SORBS2: variants seen among roughly 807,000 people sequenced by gnomAD.
SORBS2 encodes sorbin and SH3 domain-containing protein 2.
Under a neutral mutation model 97.7 loss-of-function variants are expected in SORBS2, and 46 were observed. The observed-to-expected ratio is 0.47, with a 90% CI of 0.37 to 0.60. SORBS2 has a LOEUF of 0.60. Ranked by LOEUF, SORBS2 falls within the 20% of genes least tolerant of loss-of-function variation. The pLI is 0.00. For synonymous variants in SORBS2, 476 were observed against 473.4 expected (o/e 1.01, Z -0.07); for missense variants, 1,316 against 1,282.3 (o/e 1.03, Z -0.40).
intron 1 of SORBS2, among the ~76,000 whole-genome samples, chr4:185,947,925 TA>T (rs11315282): frequency 0.17 from 25,923 of 152,222 alleles, 2,409 homozygotes; most frequent in African/African-American, 0.22. Flanking sequence ...TGAGATTTTT[TA>T]AAGGAAGTTC....
intron 2 of SORBS2, among the ~76,000 whole-genome samples, chr4:185,692,783 T>C (rs1251811023): frequency 7.3e-6 from 1 of 136,828 alleles, no homozygotes; most frequent in African/African-American, 2.8e-5. Context: ...CTCGTTTTGC[T>C]ATATACACAT....
chr4:185,724,282 T>C (rs1189373456), intron 2 of SORBS2, among the ~76,000 whole-genome samples: 1 of 151,168 alleles, frequency 6.6e-6, no homozygotes, highest in Admixed American at 6.6e-5. Context: ...CTGGGACAAC[T>C]TTTGCATGTT....
chr4:185,622,772 CACA>C, intron 7 of SORBS2, 139 bp downstream of exon 19: 4 of 717,306 alleles, frequency 5.6e-6, no homozygotes, highest in East Asian at 2.6e-5. Context: ...GACATATTTG[CACA>C]ACAAGTTTTT....
At chr4:185,926,359 G>A (rs532652208) in intron 1 of SORBS2, among the ~76,000 whole-genome samples, 1 of 152,232 alleles carries the variant, frequency 6.6e-6, no homozygotes, top group South Asian at 2.1e-4. Flanking sequence ...CCTGGAGGCG[G>A]TGCCTTGTCG....
At chr4:185,866,444 A>C (rs1396467867) in intron 1 of SORBS2, among the ~76,000 whole-genome samples, 1 of 152,244 alleles carries the variant, frequency 6.6e-6, no homozygotes, top group Non-Finnish European at 1.5e-5. Context: ...GTATACACTC[A>C]CATGCATATT....
intron 1 of SORBS2, among the ~76,000 whole-genome samples, chr4:185,903,111 C>T (rs955686489): frequency 6.6e-6 from 1 of 152,122 alleles, no homozygotes; most frequent in Non-Finnish European, 1.5e-5. Context: ...CAAATATCAG[C>T]CATCATTATT....
chr4:185,923,678 G>A (rs148024400), intron 1 of SORBS2, among the ~76,000 whole-genome samples: 445 of 151,952 alleles, frequency 2.9e-3, no homozygotes, highest in South Asian at 0.012. Flanking sequence ...TCGTTTGCAC[G>A]TGATGATTAC....
chr4:185,750,422 G>A (rs2098792011), intron 2 of SORBS2, among the ~76,000 whole-genome samples: 1 of 152,158 alleles, frequency 6.6e-6, no homozygotes, highest in Admixed American at 6.5e-5. Flanking sequence ...TCCAATCATA[G>A]GTGTGAAAAG....
intron 1 of SORBS2, chr4:185,812,970 C>A (rs918591497): frequency 6.6e-6 from 1 of 152,184 alleles, no homozygotes; most frequent in Non-Finnish European, 1.5e-5. Context: ...AATAGTTTTA[C>A]TTCCTCAGTA....
intron 1 of SORBS2, among the ~76,000 whole-genome samples, chr4:185,850,766 G>C (rs954017693): frequency 6.6e-6 from 1 of 152,168 alleles, no homozygotes; most frequent in Non-Finnish European, 1.5e-5. Flanking sequence ...CTGGTGAAAC[G>C]TGATTTCTGA....
chr4:185,854,577 G>A (rs1012940456), intron 1 of SORBS2, among the ~76,000 whole-genome samples: 8 of 152,192 alleles, frequency 5.3e-5, no homozygotes, highest in East Asian at 1.9e-4. Context: ...ATGACAAAGC[G>A]CTGCCTTGGT....
rs560872335 is a variant in SORBS2 at position 185,778,945 on chromosome 4, T to C, written c.-337-3579A>G. On this transcript the variant is annotated intron_variant, in intron 1 of 20. Coordinates refer to the SORBS2 transcript ENST00000284776. ...GCCTTAAATAAACGAGCACGCCAAC[T>C]TTAAGAGTGTGTCTGAATAACCTCA... Among the ~76,000 whole-genome samples, 15 of 152,346 alleles carry C rather than the reference T, an allele frequency of 9.8e-5. No individual in the cohort carries two copies. The South Asian group carries it at 3.1e-3, about 32-fold the overall frequency.
At chr4:185,650,960 T>A (rs1421606121) in intron 2 of SORBS2, among the ~76,000 whole-genome samples, 1 of 151,962 alleles carries the variant, frequency 6.6e-6, no homozygotes, top group Non-Finnish European at 1.5e-5. Flanking sequence ...TCTCCAGGGG[T>A]GCAGAACAGG....
At position 185,614,971 on chromosome 4, in the gene SORBS2, A is replaced by G; in HGVS notation, c.2467-12T>C. Reference sequence around the variant, plus strand: ...GGAGGTGTGAGTTTCTATGAAGGAAATAGTCATTTATTCTCAAATCTGCGG... The same window carrying G: ...GGAGGTGTGAGTTTCTATGAAGGAAGTAGTCATTTATTCTCAAATCTGCGG... On this transcript the variant is annotated splice_polypyrimidine_tract_variant and intron_variant, in intron 10 of 14. Coordinates refer to ENST00000418609, the Ensembl canonical transcript of SORBS2. 1 of 1,614,184 alleles carries G rather than the reference A, an allele frequency of 6.2e-7. No homozygotes were observed. Among genetic ancestry groups the G allele is most frequent in the East Asian group, 2.2e-5 (1 of 44,882 alleles).
At chr4:185,688,515 T>C (rs1426665990) in intron 2 of SORBS2, among the ~76,000 whole-genome samples, 1 of 152,042 alleles carries the variant, frequency 6.6e-6, no homozygotes, top group East Asian at 1.9e-4. Context: ...AATAGATAGA[T>C]AGATAGATAG....
At chr4:185,669,452 T>C (rs542125810) in intron 4 of SORBS2, among the ~76,000 whole-genome samples, 32 of 152,240 alleles carry the variant, frequency 2.1e-4, no homozygotes, top group African/African-American at 7.2e-4. Context: ...AACACATCTA[T>C]AGTCATAAGC....
chr4:185,931,845 G>A (rs1321341571), intron 1 of SORBS2, among the ~76,000 whole-genome samples: 1 of 150,998 alleles, frequency 6.6e-6, no homozygotes, highest in Non-Finnish European at 1.5e-5. Flanking sequence ...AGAAAGAGAA[G>A]AAAGATAACA....
At chr4:185,952,949 G>A (rs1450550231) in intron 1 of SORBS2, among the ~76,000 whole-genome samples, 1 of 152,046 alleles carries the variant, frequency 6.6e-6, no homozygotes, top group African/African-American at 2.4e-5. Flanking sequence ...CCTGAGCTTC[G>A]AACTTCATTT....
At chr4:185,908,496 C>G (rs2099252966) in intron 1 of SORBS2, among the ~76,000 whole-genome samples, 2 of 151,292 alleles carry the variant, frequency 1.3e-5, no homozygotes, top group South Asian at 2.1e-4. Flanking sequence ...GCCACGTTCC[C>G]TCTGACTTCT....
Sources: allele counts gnomAD v4.1 joint callset (sites outside exome capture counted in the v4.1 genomes callset), GRCh38; gene constraint gnomAD v4.1.1; transcripts MANE v1.5; gene names NCBI Gene and HGNC (gene_info 2026-07-23, HGNC 2026-07-21).